ARID2: variants seen among roughly 807,000 people sequenced by gnomAD.
The protein encoded by ARID2 is AT-rich interaction domain 2.
A neutral mutation model predicts 184.6 loss-of-function variants in ARID2; 32 were observed. The observed-to-expected ratio is 0.17, with a 90% CI of 0.13 to 0.23. The LOEUF is 0.23. Ranked by LOEUF, ARID2 falls within the 10% of genes least tolerant of loss-of-function variation. ARID2 has a pLI of 1.00. For synonymous variants in ARID2, 836 were observed against 772.6 expected, an observed-to-expected ratio of 1.08 and a Z score of -1.36; for missense variants, 1,696 against 2,197.6, an observed-to-expected ratio of 0.77 and a Z score of 4.56.
At chr12:45,811,196 G>A (rs1388622445) in intron 3 of ARID2, among the ~76,000 whole-genome samples, 2 of 148,906 alleles carry the variant, frequency 1.3e-5, no homozygotes, top group East Asian at 2.0e-4. Context: ...GCGACAGAGC[G>A]AGACTCTGTC....
At chr12:45,729,997 G>C (rs1442332511) in intron 1 of ARID2, 47 bp from the exon 2 acceptor site, 8 of 1,608,072 alleles carry the variant, frequency 5.0e-6, no homozygotes, top group Non-Finnish European at 6.8e-6. Context: ...GCCCGGGCCG[G>C]GCACGGGGTC....
chr12:45,837,768 T>A (rs2138133370), intron 10 of ARID2, 61 bp downstream of exon 10: 1 of 1,446,768 alleles, frequency 6.9e-7, no homozygotes, highest in Non-Finnish European at 9.5e-7. Flanking sequence ...AATATGGTAC[T>A]GTACAAAACC....
rs571959992 is a variant in ARID2 at position 45,883,496 on chromosome 12, C to T, written c.4923-8284C>T. Among the ~76,000 whole-genome samples the T allele has an allele frequency of 3.4e-5, 5 of 148,678 alleles. No homozygotes were observed. In the South Asian group the frequency reaches 6.5e-4, roughly 19 times the overall value. On this transcript the variant is annotated intron_variant, in intron 16 of 20. Transcript: ENST00000334344. ...ACAAACCTTATTTATTCCTTGGAAACTTGTGCGTAAAATAAGGAGAATTAT... is the reference window on the plus strand; with the variant it reads ...ACAAACCTTATTTATTCCTTGGAAATTTGTGCGTAAAATAAGGAGAATTAT...
At chr12:45,754,722 T>C (rs1426249570) in intron 3 of ARID2, among the ~76,000 whole-genome samples, 1 of 152,236 alleles carries the variant, frequency 6.6e-6, no homozygotes, top group East Asian at 1.9e-4. Context: ...TAACAACTTT[T>C]TTATTGTCTG....
rs1592118425 is a variant in ARID2 at position 45,849,695 on chromosome 12, T to C, written c.1831T>C (p.Tyr611His). The change falls in exon 14 of 21, where the codon TAC becomes CAC. Residue 611 changes from tyrosine to histidine, a missense_variant. Tyr to His is a moderately conservative substitution (Grantham distance 83, BLOSUM62 2). Coordinates refer to ENST00000334344, the MANE Select transcript of ARID2 (RefSeq NM_152641.4). ...GGCTATACCACTTCCCATTCAGATG[T>C]ACTATCAGCAGCAACCAGTTTCTAC... is the stretch of plus-strand genomic sequence containing the variant. ...RRAIPLPIQM[Y>H]YQQQPVSTSV... is the part of the protein sequence containing the mutation. The C allele has an allele frequency of 1.6e-5, 26 of 1,613,998 alleles. No homozygotes were observed. In the East Asian group the frequency reaches 3.1e-4, roughly 19 times the overall value.
Position 45,852,886 on chromosome 12 carries a change from T to C in ARID2, c.4763T>C (p.Val1588Ala), listed in dbSNP as rs1361241243. 6 of 1,577,600 alleles carry C rather than the reference T, an allele frequency of 3.8e-6. No individual in the cohort carries two copies. The highest frequency in any genetic ancestry group is 5.2e-6 in the Non-Finnish European group (6 of 1,160,548). The change falls in exon 15 of 21, where the codon GTG (valine) becomes GCG (alanine). Residue 1588 changes from valine (V) to alanine (A), a missense_variant. Transcript: ENST00000334344. Reference protein sequence around the residue: ...QQHPPTYVQNVVPQNTPMPPS... With the variant: ...QQHPPTYVQNAVPQNTPMPPS... ...CATCCACCAACATATGTACAGAATG[T>C]GGTCCCGCAGGTAAGTTATTCCATG...
At chr12:45,847,013 G>T in intron 12 of ARID2, 76 bp downstream of exon 12, 1 of 1,324,124 alleles carries the variant, frequency 7.6e-7, no homozygotes, top group Non-Finnish European at 1.1e-6. Context: ...GTATTCTACA[G>T]ACATCCAGAA....
chr12:45,862,641 C>G (rs569354856), intron 16 of ARID2, among the ~76,000 whole-genome samples: 1 of 152,116 alleles, frequency 6.6e-6, no homozygotes, highest in South Asian at 2.1e-4. Flanking sequence ...CCTAGGAATT[C>G]GAGTCTAGCT....
Position 45,905,218 on chromosome 12 carries a change from C to G in ARID2, c.*140C>G. On this transcript the variant is annotated 3_prime_UTR_variant, in exon 21 of 21. Transcript: ENST00000334344. ...CTCCTCCCATGATGCTGAGAGGAAG[C>G]TTCGTATTCTGATCTCTGAGTGAAT... 1 of 772,578 alleles carries G rather than the reference C, an allele frequency of 1.3e-6. No individual in the cohort carries two copies. Among genetic ancestry groups the G allele is most frequent in the Non-Finnish European group, 1.9e-6 (1 of 529,858 alleles). 47.9% of individuals were successfully genotyped at this position (772,578 alleles called of 1,614,324 possible). A position where few individuals can be genotyped will look rare whatever the true frequency, so the allele number is the denominator to read the frequency against.
At chr12:45,756,652 C>T (rs892343395) in intron 3 of ARID2, among the ~76,000 whole-genome samples, 5 of 152,220 alleles carry the variant, frequency 3.3e-5, no homozygotes, top group African/African-American at 1.2e-4. Context: ...ACATTCAAGG[C>T]ATGGGTTTGC....
At chr12:45,828,074 C>T (rs1282462873) in intron 6 of ARID2, among the ~76,000 whole-genome samples, 1 of 151,818 alleles carries the variant, frequency 6.6e-6, no homozygotes. Flanking sequence ...AAGTATACAC[C>T]TCAAGATGTG....
chr12:45,893,387 T>TTC lies in ARID2; in HGVS notation c.5148-13_5148-12dup, dbSNP rs138252675. ...CAGTCTGTCTGCAGTATCACGTTAA[T>TTC]TCTCTCTCTCTCTCTCTCTCTGATC... On this transcript the variant is annotated intron_variant, in intron 18 of 20. Transcript: ENST00000334344. 1,333 of 1,458,036 alleles carry TTC rather than the reference T, an allele frequency of 9.1e-4. 1 individual carries two copies. The highest frequency in any genetic ancestry group is 2.2e-3 in the African/African-American group (154 of 70,414). The allele number at this position is 1,458,036 out of a possible 1,614,324, so 90.3% of individuals were successfully genotyped here.
chr12:45,888,787 A>C (rs1412031828), intron 16 of ARID2, among the ~76,000 whole-genome samples: 1 of 152,228 alleles, frequency 6.6e-6, no homozygotes, highest in African/African-American at 2.4e-5. Flanking sequence ...GGTTGTACAC[A>C]TCAAAGGGGG....
intron 15 of ARID2, among the ~76,000 whole-genome samples, chr12:45,858,085 A>T (rs1232972240): frequency 6.6e-6 from 1 of 152,220 alleles, no homozygotes; most frequent in Non-Finnish European, 1.5e-5. Context: ...CTTATATCAC[A>T]TTCAGAGTAA....
intron 3 of ARID2, among the ~76,000 whole-genome samples, chr12:45,780,775 C>T (rs775237496): frequency 2.6e-5 from 4 of 151,982 alleles, no homozygotes; most frequent in East Asian, 1.9e-4. Context: ...CCTGCCACCA[C>T]GCCTGGCTAA....
At chr12:45,784,785 G>A (rs1259660772) in intron 3 of ARID2, among the ~76,000 whole-genome samples, 1 of 152,164 alleles carries the variant, frequency 6.6e-6, no homozygotes, top group Non-Finnish European at 1.5e-5. Context: ...ACTAATTCCA[G>A]GCAGACCACA....
intron 16 of ARID2, among the ~76,000 whole-genome samples, chr12:45,875,186 G>A (rs777457687): frequency 2.6e-5 from 4 of 152,192 alleles, no homozygotes; most frequent in African/African-American, 9.7e-5. Flanking sequence ...TGTTGTGTTA[G>A]CAGCATGAAA....
intron 3 of ARID2, among the ~76,000 whole-genome samples, chr12:45,782,981 C>T (rs1942124362): frequency 6.6e-6 from 1 of 151,664 alleles, no homozygotes; most frequent in Admixed American, 6.6e-5. Flanking sequence ...TAAAAATTAG[C>T]CAGGGGTGGT....
chr12:45,758,883 G>A lies in ARID2; in HGVS notation c.284+27569G>A, dbSNP rs954899393. Among the ~76,000 whole-genome samples the A allele has an allele frequency of 4.3e-4, 65 of 152,304 alleles. 1 individual carries two copies. Among genetic ancestry groups the A allele is most frequent in the African/African-American group, 1.6e-3 (65 of 41,564 alleles). Reference sequence around the variant, plus strand: ...TGTTACACAAGGGAGACTGGGAAATGTAGTCTTTGAGATTTCACAGACCAT... The same window carrying A: ...TGTTACACAAGGGAGACTGGGAAATATAGTCTTTGAGATTTCACAGACCAT... On this transcript the variant is annotated intron_variant, in intron 3 of 20. Coordinates refer to ENST00000334344, the MANE Select transcript of ARID2 (RefSeq NM_152641.4).
Sources: allele counts gnomAD v4.1 joint callset (sites outside exome capture counted in the v4.1 genomes callset), GRCh38; gene constraint gnomAD v4.1.1; transcripts MANE v1.5; gene names NCBI Gene and HGNC (gene_info 2026-07-23, HGNC 2026-07-21).